Variants in GNPAT observed in about 807,000 individuals in gnomAD.
GNPAT encodes glyceronephosphate O-acyltransferase, also known as dihydroxyacetone phosphate acyltransferase.
Under a neutral mutation model 78.4 loss-of-function variants are expected in GNPAT, and 30 were observed. The ratio of observed to expected loss-of-function variants is 0.38; its 90% CI spans 0.29 to 0.52. The LOEUF (loss-of-function observed/expected upper bound fraction) is 0.52, where lower values mean the gene tolerates loss of function less well. Among genes scored for constraint, GNPAT ranks in the 20% least tolerant of loss-of-function variants. GNPAT has a pLI of 0.84. For synonymous variants in GNPAT, 271 were observed against 281.1 expected, an observed-to-expected ratio of 0.96 and a Z score of 0.36; for missense variants, 714 against 812.2, an observed-to-expected ratio of 0.88 and a Z score of 1.47.
chr1:231,266,355 C>T lies in GNPAT; in HGVS notation c.1003C>T (p.Arg335Ter), dbSNP rs777894746. 1.9e-6 allele frequency: 3 copies of T among 1,613,924 alleles called. No individual in the cohort carries two copies. Among genetic ancestry groups the T allele is most frequent in the Admixed American group, 1.7e-5 (1 of 60,030 alleles). ...HVYFGDPVSL[R>*]SLAAGRMSRS... ...GTACTTTGGAGATCCTGTGTCACTTCGATCTTTGGCAGCTGGGAGGATGAG... is the reference window on the plus strand; with the variant it reads ...GTACTTTGGAGATCCTGTGTCACTTTGATCTTTGGCAGCTGGGAGGATGAG... Residue 335 changes from arginine to a stop codon, truncating the protein, a stop_gained, in exon 8 of 16, where the codon CGA (arginine) becomes TGA (stop). Transcript: ENST00000366647. LOFTEE classifies it high-confidence loss of function.
rs747682474 is a variant in GNPAT, at chr1:231,265,341, C to T, written c.617C>T (p.Ala206Val). The T allele has an allele frequency of 6.2e-7, 1 of 1,611,066 alleles. No homozygotes were observed. The highest frequency in any genetic ancestry group is 8.5e-7 in the Non-Finnish European group (1 of 1,177,200). ...MVGELLRMSG[A>V]FFMRRTFGGN... ...GGTGAGCTGCTACGAATGTCGGGTG[C>T]CTTTTTCATGCGGCGTACCTTTGGT... The change falls in exon 5 of 16, where the codon GCC (alanine) becomes GTC (valine). Residue 206 changes from alanine (A) to valine (V), a missense_variant. Transcript: ENST00000366647.
At chr1:231,250,281 A>C (rs1684857606) in intron 1 of GNPAT, among the ~76,000 whole-genome samples, 1 of 151,918 alleles carries the variant, frequency 6.6e-6, no homozygotes, top group Admixed American at 6.6e-5. Flanking sequence ...AAAATTAAGA[A>C]TTAACTGGGC....
chr1:231,254,236 A>G (rs1252949862), intron 2 of GNPAT, among the ~76,000 whole-genome samples: 1 of 152,246 alleles, frequency 6.6e-6, no homozygotes, highest in Non-Finnish European at 1.5e-5. Context: ...GAAAAATCAC[A>G]TAAACTAAGA....
At position 231,272,365 on chromosome 1, in the gene GNPAT, A is replaced by G. The variant is rs1178736929; in HGVS notation, c.1576A>G (p.Ile526Val). Residue 526 changes from isoleucine to valine, a missense_variant, in exon 11 of 16, where the codon ATC becomes GTC. Coordinates refer to ENST00000366647, the MANE Select transcript of GNPAT (RefSeq NM_014236.4). ...ACGTGATGTTTTTGCAGATGAGTTC[A>G]TCTTCCTTCCAGGAAACACACTAAA... ...FLRDVFADEFIFLPGNTLKDF... is the reference protein window; with the variant it reads ...FLRDVFADEFVFLPGNTLKDF... The G allele has an allele frequency of 6.3e-7, 1 of 1,589,586 alleles. No homozygotes were observed. The highest frequency in any genetic ancestry group is 8.6e-7 in the Non-Finnish European group (1 of 1,158,304).
chr1:231,265,940 A>G (rs1013537196), intron 6 of GNPAT, 74 bp from the exon 7 acceptor site: 1 of 1,266,732 alleles, frequency 7.9e-7, no homozygotes, highest in African/African-American at 1.5e-5. Context: ...TGCTTTTAGT[A>G]TTTTCCGTTT....
Position 231,266,416 on chromosome 1 carries a change from T to A in GNPAT, c.1055+9T>A. ...TATAACTTGGTTCCAAGGTGTGACC[T>A]GTGTTTTAATAACTGTCTTAGAAAT... On this transcript the variant is annotated intron_variant, in intron 8 of 15. Transcript: ENST00000366647. 2 of 1,611,860 alleles carry A rather than the reference T, an allele frequency of 1.2e-6. No homozygotes were observed. Among genetic ancestry groups the A allele is most frequent in the Non-Finnish European group, 1.7e-6 (2 of 1,177,900 alleles).
chr1:231,253,177 G>A (rs1167950347), intron 2 of GNPAT, among the ~76,000 whole-genome samples: 1 of 152,080 alleles, frequency 6.6e-6, no homozygotes, highest in Non-Finnish European at 1.5e-5. Context: ...CACCATGTTA[G>A]CAAGGATGGT....
At chr1:231,259,268 CA>C (rs1685154267) in intron 2 of GNPAT, among the ~76,000 whole-genome samples, 2 of 152,080 alleles carry the variant, frequency 1.3e-5, no homozygotes, top group South Asian at 2.1e-4. Flanking sequence ...CTGAGCCCCC[CA>C]AAAGATAGGA....
intron 2 of GNPAT, among the ~76,000 whole-genome samples, chr1:231,255,919 T>C (rs1685043164): frequency 6.6e-6 from 1 of 152,178 alleles, no homozygotes; most frequent in Non-Finnish European, 1.5e-5. Context: ...CTCTTTCTCC[T>C]TTCTTTTCAT....
In GNPAT at chr1:231,277,494, C is replaced by T. The variant is rs1223918195; in HGVS notation, c.2000-5C>T. The T allele has an allele frequency of 4.5e-6, 7 of 1,571,462 alleles. No individual in the cohort carries two copies. In the East Asian group the frequency reaches 6.7e-5, roughly 15 times the overall value. ...TCATGAGCTGCTTCTCTTTTTTCATCTTAGGTTGTAAGACACCAATAGGAA... is the reference window on the plus strand; with the variant it reads ...TCATGAGCTGCTTCTCTTTTTTCATTTTAGGTTGTAAGACACCAATAGGAA... On this transcript the variant is annotated splice_region_variant and splice_polypyrimidine_tract_variant and intron_variant, in intron 15 of 15. Coordinates refer to ENST00000366647, the MANE Select transcript of GNPAT (RefSeq NM_014236.4).
chr1:231,276,549 T>G (rs914007240), intron 15 of GNPAT, among the ~76,000 whole-genome samples: 4 of 152,250 alleles, frequency 2.6e-5, no homozygotes, highest in African/African-American at 9.6e-5. Flanking sequence ...CTTGCATTGC[T>G]TCTTTCCCAA....
Position 231,248,867 on chromosome 1 carries a change from G to C in GNPAT, c.79-2094G>C, listed in dbSNP as rs187245998. On this transcript the variant is annotated intron_variant, in intron 1 of 15. Transcript: ENST00000366647. ...ACAGGTTTGTAGCCTAGGAGCAATA[G>C]GCTAACCACTATACTATATATAGCC... Among the ~76,000 whole-genome samples the C allele has an allele frequency of 6.4e-4, 97 of 152,272 alleles. 1 individual carries two copies. Among genetic ancestry groups the C allele is most frequent in the South Asian group, 1.0e-3 (5 of 4,826 alleles).
At chr1:231,255,117 C>T (rs1442490579) in intron 2 of GNPAT, among the ~76,000 whole-genome samples, 1 of 152,048 alleles carries the variant, frequency 6.6e-6, no homozygotes. Flanking sequence ...TACCAATTTA[C>T]CTGCATCCAG....
intron 2 of GNPAT, among the ~76,000 whole-genome samples, chr1:231,257,863 T>C (rs1219183480): frequency 6.6e-6 from 1 of 152,202 alleles, no homozygotes; most frequent in African/African-American, 2.4e-5. Context: ...CCCTGTACTT[T>C]ACTGCCTTCC....
At chr1:231,248,567 GA>G (rs539895087) in intron 1 of GNPAT, among the ~76,000 whole-genome samples, 3,447 of 139,588 alleles carry the variant, frequency 0.025, 50 homozygotes, top group African/African-American at 0.056. Context: ...CGTCTCTATT[GA>G]AAAAAAAAAA....
intron 1 of GNPAT, among the ~76,000 whole-genome samples, chr1:231,247,273 A>C (rs1684775743): frequency 2.0e-5 from 3 of 152,100 alleles, no homozygotes; most frequent in Non-Finnish European, 4.4e-5. Context: ...TCAAAAAGTG[A>C]CTTCATTCTG....
chr1:231,268,176 G>T (rs572336543), intron 9 of GNPAT, among the ~76,000 whole-genome samples: 1 of 152,018 alleles, frequency 6.6e-6, no homozygotes, highest in Non-Finnish European at 1.5e-5. Flanking sequence ...GGTGGTAGGC[G>T]CCTGTAGTCC....
chr1:231,245,884 G>A (rs997869850), intron 1 of GNPAT, among the ~76,000 whole-genome samples: 3 of 152,034 alleles, frequency 2.0e-5, no homozygotes, highest in African/African-American at 2.4e-5. Context: ...CAGGAGAATC[G>A]CTTGAACCCG....
At chr1:231,250,136 A>G (rs1466063159) in intron 1 of GNPAT, among the ~76,000 whole-genome samples, 2 of 150,948 alleles carry the variant, frequency 1.3e-5, no homozygotes, top group African/African-American at 2.4e-5. Flanking sequence ...GGGTCTTGCT[A>G]TGTTGCCCAG....
Sources: gnomAD v4.1 joint callset for allele counts (sites outside exome capture counted in the v4.1 genomes callset) on GRCh38, gnomAD v4.1.1 for gene constraint, MANE v1.5 for transcripts, NCBI Gene and HGNC (gene_info 2026-07-23, HGNC 2026-07-21) for gene names.